The following LOC128462377 variants were observed in gnomAD, a reference collection of about 807,000 sequenced individuals.
chr16:89,353,863 C>T, the LOC128462377 span, among the ~76,000 whole-genome samples: 1 of 152,166 alleles, frequency 6.6e-6, no homozygotes. Flanking sequence ...CTGAGACACC[C>T]GAAACAAGAC....
the LOC128462377 span, among the ~76,000 whole-genome samples, chr16:89,343,246 G>A: frequency 2.0e-5 from 3 of 152,290 alleles, no homozygotes; most frequent in Admixed American, 1.3e-4. Flanking sequence ...ACCCAGCTCG[G>A]CCTCCCGAAG....
the LOC128462377 span, among the ~76,000 whole-genome samples, chr16:89,362,696 T>C: frequency 6.6e-6 from 1 of 152,260 alleles, no homozygotes; most frequent in Non-Finnish European, 1.5e-5. Flanking sequence ...ATGTACTTTA[T>C]GTTCTTAGCT....
the LOC128462377 span, among the ~76,000 whole-genome samples, chr16:89,336,368 G>C: frequency 6.6e-6 from 1 of 152,182 alleles, no homozygotes; most frequent in Non-Finnish European, 1.5e-5. Context: ...GCGGGTGTGC[G>C]TCCACAGACA....
At chr16:89,393,960 T>C in the LOC128462377 span, among the ~76,000 whole-genome samples, 17 of 152,330 alleles carry the variant, frequency 1.1e-4, no homozygotes, top group East Asian at 3.3e-3. Flanking sequence ...GGGCTACGAA[T>C]AAGTGAAGCT....
the LOC128462377 span, among the ~76,000 whole-genome samples, chr16:89,369,351 G>A: frequency 6.6e-6 from 1 of 152,338 alleles, no homozygotes; most frequent in Middle Eastern, 3.4e-3. Context: ...CCATTCAGGT[G>A]TCCATCAGCT....
chr16:89,339,899 C>T, the LOC128462377 span: 4 of 152,192 alleles, frequency 2.6e-5, no homozygotes, highest in South Asian at 2.1e-4. Context: ...CAAAGCCGGC[C>T]GCTGTCTTTG....
chr16:89,370,073 C>G, the LOC128462377 span, among the ~76,000 whole-genome samples: 20 of 152,224 alleles, frequency 1.3e-4, 1 homozygote, highest in Non-Finnish European at 5.9e-5. Context: ...AGAGCTCTCA[C>G]TGAGGAAGAA....
chr16:89,339,984 C>T, the LOC128462377 span: 1 of 152,232 alleles, frequency 6.6e-6, no homozygotes, highest in African/African-American at 2.4e-5. Flanking sequence ...TGTGTGGATA[C>T]AGGCAGTTCT....
chr16:89,367,845 A>G, the LOC128462377 span, among the ~76,000 whole-genome samples: 3 of 152,020 alleles, frequency 2.0e-5, no homozygotes, highest in African/African-American at 7.3e-5. Context: ...CTGTCTCTAC[A>G]AAAAACAAAA....
chr16:89,407,852 CAA>C, the LOC128462377 span, among the ~76,000 whole-genome samples: 7,235 of 111,234 alleles, frequency 0.065, 316 homozygotes, highest in African/African-American at 0.14. Flanking sequence ...TGTCTCCCTC[CAA>C]AAAAAAAAAA....
chr16:89,321,932 CGCT>C, the LOC128462377 span, among the ~76,000 whole-genome samples: 18 of 152,292 alleles, frequency 1.2e-4, no homozygotes, highest in Non-Finnish European at 2.5e-4. Flanking sequence ...CGTGGAGACC[CGCT>C]GCTGCTGCGC....
chr16:89,377,234 C>G, the LOC128462377 span, among the ~76,000 whole-genome samples: 1 of 152,090 alleles, frequency 6.6e-6, no homozygotes, highest in Non-Finnish European at 1.5e-5. Flanking sequence ...AGGCTCATTA[C>G]ACACAGCATG....
chr16:89,351,149 CA>C, the LOC128462377 span, among the ~76,000 whole-genome samples: 1 of 152,182 alleles, frequency 6.6e-6, no homozygotes, highest in Admixed American at 6.5e-5. Context: ...ATGGCGGGCA[CA>C]AGAGCTCGTC....
At chr16:89,369,319 G>A in the LOC128462377 span, among the ~76,000 whole-genome samples, 4 of 152,328 alleles carry the variant, frequency 2.6e-5, no homozygotes, top group Admixed American at 2.0e-4. Flanking sequence ...TCACAGCAGC[G>A]CTGCAAAGGG....
At chr16:89,362,765 A>G in the LOC128462377 span, among the ~76,000 whole-genome samples, 4 of 152,246 alleles carry the variant, frequency 2.6e-5, no homozygotes, top group Non-Finnish European at 4.4e-5. Flanking sequence ...AGCAAGCATT[A>G]GGTCACGGCC....
the LOC128462377 span, among the ~76,000 whole-genome samples, chr16:89,335,074 A>G: frequency 6.6e-6 from 1 of 152,152 alleles, no homozygotes; most frequent in African/African-American, 2.4e-5. Context: ...AAGAACAATA[A>G]AAAACGACTA....
chr16:89,377,109 G>A, the LOC128462377 span, among the ~76,000 whole-genome samples: 1 of 152,196 alleles, frequency 6.6e-6, no homozygotes, highest in Admixed American at 6.5e-5. Flanking sequence ...AATGAACAAT[G>A]CCCTTGGTCC....
At chr16:89,364,384 C>T in the LOC128462377 span, among the ~76,000 whole-genome samples, 3 of 152,240 alleles carry the variant, frequency 2.0e-5, no homozygotes, top group African/African-American at 7.2e-5. Flanking sequence ...TATTGTCTTA[C>T]ACCGCAATAG....
the LOC128462377 span, among the ~76,000 whole-genome samples, chr16:89,381,199 G>T: frequency 6.6e-6 from 1 of 152,108 alleles, no homozygotes; most frequent in African/African-American, 2.4e-5. Flanking sequence ...GGGCATGGTG[G>T]TGTGCACCGG....
Sources: gnomAD v4.1 joint callset for allele counts (sites outside exome capture counted in the v4.1 genomes callset) on GRCh38, gnomAD v4.1.1 for gene constraint, MANE v1.5 for transcripts.